The following PSAP variants were observed in gnomAD, a reference collection of about 807,000 sequenced individuals.
PSAP encodes prosaposin, also known as precursor of saposins.
In PSAP, 25 loss-of-function variants were observed where a neutral mutation model predicts 66.0. The ratio of observed to expected loss-of-function variants is 0.38; its 90% CI spans 0.28 to 0.53. PSAP has a LOEUF of 0.53. PSAP is among the 20% of genes least tolerant of loss of function. The probability of loss-of-function intolerance (pLI) is 0.83; values close to 1 mark genes in which losing one functional copy is unlikely to be tolerated. For missense variants in PSAP, 649 were observed against 668.8 expected (o/e 0.97, Z 0.33); for synonymous variants, 273 against 258.9 (o/e 1.05, Z -0.52).
At chr10:71,818,967 CG>C in intron 12 of PSAP, 63 bp downstream of exon 12, 1 of 1,471,582 alleles carries the variant, frequency 6.8e-7, no homozygotes, top group African/African-American at 1.4e-5. Flanking sequence ...GCAACCCTTC[CG>C]GGTCTCTGCA....
chr10:71,842,051 T>C (rs953836713), intron 1 of PSAP, among the ~76,000 whole-genome samples: 3 of 151,682 alleles, frequency 2.0e-5, no homozygotes, highest in African/African-American at 7.3e-5. Flanking sequence ...TTAGCTATTA[T>C]AATTTCTGTA....
In PSAP at chr10:71,819,696, A is replaced by G; in HGVS notation, c.1192+18T>C. 6.2e-7 allele frequency: 1 copy of G among 1,613,998 alleles called. No individual in the cohort carries two copies. Among genetic ancestry groups the G allele is most frequent in the South Asian group, 1.1e-5 (1 of 91,080 alleles). ...CAAGAGGGGCACCATCCTCTCCCGC[A>G]CCACACCCAGCGCTCACCGGTCAGT... On this transcript the variant is annotated intron_variant, in intron 10 of 13. Coordinates refer to ENST00000394936, the MANE Select transcript of PSAP (RefSeq NM_002778.4).
chr10:71,845,785 T>C (rs970269540), intron 1 of PSAP, among the ~76,000 whole-genome samples: 1 of 152,170 alleles, frequency 6.6e-6, no homozygotes, highest in African/African-American at 2.4e-5. Flanking sequence ...GAACCAGCTC[T>C]GATCTGCTGG....
chr10:71,832,054 T>C, intron 2 of PSAP, 134 bp from the exon 3 acceptor site: 1 of 890,474 alleles, frequency 1.1e-6, no homozygotes, highest in Non-Finnish European at 1.8e-6. Context: ...TGTCACATCC[T>C]GGTTCTCCAC....
chr10:71,822,814 C>T (rs1207497722), intron 7 of PSAP, among the ~76,000 whole-genome samples: 1 of 152,132 alleles, frequency 6.6e-6, no homozygotes. Flanking sequence ...AAAACAGGAC[C>T]TGTTAAGGGA....
intron 11 of PSAP, 45 bp from the exon 12 acceptor site, chr10:71,819,156 G>C: frequency 6.5e-7 from 1 of 1,533,926 alleles, no homozygotes. Flanking sequence ...GGGGGTGTCC[G>C]AGCATAGTGG....
At position 71,819,059 on chromosome 10, in the gene PSAP, T is replaced by C; in HGVS notation, c.1403A>G (p.Glu468Gly). The C allele has an allele frequency of 6.2e-7, 1 of 1,614,084 alleles. No homozygotes were observed. The highest frequency in any genetic ancestry group is 8.5e-7 in the Non-Finnish European group (1 of 1,179,996). The change falls in exon 12 of 14, where the codon GAG becomes GGG. Residue 468 changes from glutamate to glycine, a missense_variant. Physicochemically the swap from Glu to Gly is moderately conservative, Grantham distance 98 (BLOSUM62 -2). Coordinates refer to ENST00000394936, the MANE Select transcript of PSAP (RefSeq NM_002778.4). Reference sequence around the variant, plus strand: ...GCACACGAAGGAAGGATCCATCACCTCCACCAGGATCTCGATCAGCACGGG... The same window carrying C: ...GCACACGAAGGAAGGATCCATCACCCCCACCAGGATCTCGATCAGCACGGG... ...YEPVLIEILV[E>G]VMDPSFVCLK...
intron 7 of PSAP, chr10:71,823,823 A>G (rs1842349387): frequency 8.1e-7 from 1 of 1,227,388 alleles, no homozygotes. Flanking sequence ...ACCCAAAAAA[A>G]AAAAAAGCAA....
In PSAP at chr10:71,824,386, C is replaced by T. The variant is rs569322323; in HGVS notation, c.777+1451G>A. On this transcript the variant is annotated intron_variant, in intron 7 of 13. Transcript: ENST00000394936. ...TCCTAGGGCAATCTACTGCAGGTGG[C>T]CAAATGGCAGCCTGGAAGGCCAATT... Among the ~76,000 whole-genome samples the T allele has an allele frequency of 9.6e-4, 146 of 152,304 alleles. 1 individual carries two copies. The highest frequency in any genetic ancestry group is 3.4e-3 in the African/African-American group (140 of 41,566).
chr10:71,844,208 A>C (rs1000729927), intron 1 of PSAP, among the ~76,000 whole-genome samples: 3 of 152,260 alleles, frequency 2.0e-5, no homozygotes, highest in Admixed American at 1.3e-4. Context: ...ATTTGAGAGC[A>C]CTTCTACAAT....
chr10:71,831,229 T>A lies in PSAP; in HGVS notation c.272A>T (p.Glu91Val), dbSNP rs778854258. The change falls in exon 4 of 14, where the codon GAG becomes GTG. Residue 91 changes from glutamate (E) to valine (V), a missense_variant. Transcript: ENST00000394936. ...TTTCGGAAGCCAGTCACAGGTCTTC[T>A]CCAAGTAAACAAGGATCTCCTCCTA... ...ATEEEILVYL[E>V]KTCDWLPKPN... is the part of the protein sequence containing the mutation. 6.2e-7 allele frequency: 1 copy of A among 1,614,038 alleles called. No individual in the cohort carries two copies.
chr10:71,822,129 C>T, intron 7 of PSAP, 122 bp from the exon 8 acceptor site: 2 of 1,347,964 alleles, frequency 1.5e-6, no homozygotes, highest in Non-Finnish European at 2.1e-6. Context: ...CTACCTCCCT[C>T]TCCCCCTCCC....
chr10:71,850,069 A>G (rs1490586396), intron 1 of PSAP, among the ~76,000 whole-genome samples: 2 of 151,530 alleles, frequency 1.3e-5, no homozygotes, highest in East Asian at 3.9e-4. Context: ...AAAAAAAATC[A>G]AAATATCTAA....
intron 6 of PSAP, among the ~76,000 whole-genome samples, chr10:71,827,488 A>T (rs1227243239): frequency 1.3e-5 from 2 of 151,966 alleles, no homozygotes; most frequent in Non-Finnish European, 2.9e-5. Flanking sequence ...GCACTTTGGG[A>T]GGCTGAAGCG....
intron 7 of PSAP, 183 bp from the exon 8 acceptor site, chr10:71,822,190 G>C (rs1406080328): frequency 6.9e-6 from 5 of 728,366 alleles, no homozygotes; most frequent in Non-Finnish European, 9.4e-6. Flanking sequence ...GTCTGAAGCA[G>C]TGCATATGTG....
intron 5 of PSAP, 152 bp from the exon 6 acceptor site, chr10:71,828,309 C>T (rs747029042): frequency 1.1e-4 from 96 of 837,150 alleles, no homozygotes; most frequent in Non-Finnish European, 1.8e-4. Context: ...GGCTTAAAAT[C>T]GATTAAGTGT....
chr10:71,836,408 C>G (rs1477923731), intron 1 of PSAP, among the ~76,000 whole-genome samples: 1 of 152,036 alleles, frequency 6.6e-6, no homozygotes, highest in African/African-American at 2.4e-5. Flanking sequence ...GGGGACTGTG[C>G]GGTCACAGAG....
At chr10:71,834,698 G>T (rs534891192) in intron 1 of PSAP, among the ~76,000 whole-genome samples, 193 bp from the exon 2 acceptor site, 25 of 152,302 alleles carry the variant, frequency 1.6e-4, no homozygotes, top group Middle Eastern at 3.4e-3. Flanking sequence ...TCTGTCACAG[G>T]GCTAGAAGGG....
intron 7 of PSAP, chr10:71,823,840 TAGAGGA>T: frequency 8.2e-7 from 1 of 1,225,474 alleles, no homozygotes; most frequent in Non-Finnish European, 1.1e-6. Flanking sequence ...GCAAAGTAAC[TAGAGGA>T]AGCAGCAGAC....
Sources: gnomAD v4.1 joint callset for allele counts (sites outside exome capture counted in the v4.1 genomes callset) on GRCh38, gnomAD v4.1.1 for gene constraint, MANE v1.5 for transcripts, NCBI Gene and HGNC (gene_info 2026-07-23, HGNC 2026-07-21) for gene names.